CDK13: variants seen among roughly 807,000 people sequenced by gnomAD.
CDK13 encodes the protein cyclin dependent kinase 13.
Under a neutral mutation model 137.6 loss-of-function variants are expected in CDK13, and 40 were observed. That is an observed-to-expected ratio of 0.29 (90% CI 0.23 to 0.38). The LOEUF (loss-of-function observed/expected upper bound fraction) is 0.38. CDK13 is among the 10% of genes least tolerant of loss of function. The probability of loss-of-function intolerance (pLI) is 1.00; values close to 1 mark genes in which losing one functional copy is unlikely to be tolerated. For synonymous variants in CDK13, 869 were observed against 760.1 expected (o/e 1.14, Z -2.36); for missense variants, 1,704 against 1,951.8 (o/e 0.87, Z 2.39).
At chr7:40,007,516 T>C (rs541755656) in intron 5 of CDK13, among the ~76,000 whole-genome samples, 4 of 152,344 alleles carry the variant, frequency 2.6e-5, no homozygotes, top group African/African-American at 9.6e-5. Flanking sequence ...GACCTCTGCC[T>C]CCCGGGTTCA....
intron 1 of CDK13, among the ~76,000 whole-genome samples, chr7:39,968,945 C>T (rs1562703527): frequency 6.6e-6 from 1 of 152,262 alleles, no homozygotes; most frequent in East Asian, 1.9e-4. Context: ...TAGTTTGTAT[C>T]CTTCCTTCAG....
chr7:39,961,850 T>C (rs553085035), intron 1 of CDK13, among the ~76,000 whole-genome samples: 1 of 152,050 alleles, frequency 6.6e-6, no homozygotes, highest in Non-Finnish European at 1.5e-5. Flanking sequence ...TGTGTTCTCA[T>C]TGTTCAATTC....
chr7:40,035,903 C>G (rs776579902), intron 5 of CDK13, among the ~76,000 whole-genome samples: 1 of 151,840 alleles, frequency 6.6e-6, no homozygotes, highest in Non-Finnish European at 1.5e-5. Flanking sequence ...GGCTTCCACC[C>G]GTAATCCAGC....
intron 5 of CDK13, among the ~76,000 whole-genome samples, chr7:40,036,038 C>T (rs1785475040): frequency 1.3e-5 from 2 of 151,962 alleles, no homozygotes; most frequent in Admixed American, 6.6e-5. Context: ...GTGGCACACA[C>T]CTTTAGTCCC....
At chr7:40,013,823 C>T (rs1382425276) in intron 5 of CDK13, among the ~76,000 whole-genome samples, 2 of 152,024 alleles carry the variant, frequency 1.3e-5, no homozygotes, top group Non-Finnish European at 2.9e-5. Context: ...CCTATGAATT[C>T]TGTGTTTAAT....
intron 1 of CDK13, among the ~76,000 whole-genome samples, chr7:39,958,590 C>A (rs1221133399): frequency 1.3e-5 from 2 of 152,124 alleles, no homozygotes; most frequent in African/African-American, 4.8e-5. Flanking sequence ...AGCCTGTACT[C>A]CACAGTACAG....
At chr7:40,001,000 G>T (rs1784673559) in intron 4 of CDK13, among the ~76,000 whole-genome samples, 1 of 152,098 alleles carries the variant, frequency 6.6e-6, no homozygotes, top group Admixed American at 6.5e-5. Context: ...ATATTTTTGA[G>T]ACAAGTAACT....
intron 1 of CDK13, among the ~76,000 whole-genome samples, chr7:39,963,049 A>G (rs1314412164): frequency 6.6e-6 from 1 of 152,214 alleles, no homozygotes; most frequent in East Asian, 1.9e-4. Context: ...GTTTGAAGTC[A>G]GGTAGCGTGA....
chr7:40,081,286 G>GGTACAAA (rs1786657798), intron 11 of CDK13, among the ~76,000 whole-genome samples: 1 of 151,946 alleles, frequency 6.6e-6, no homozygotes, highest in Non-Finnish European at 1.5e-5. Flanking sequence ...CATTATTATT[G>GGTACAAA]GTAATGGTAA....
chr7:40,002,185 AATTG>A, intron 5 of CDK13, 154 bp downstream of exon 5: 1 of 518,162 alleles, frequency 1.9e-6, no homozygotes. Context: ...TTGAATAATG[AATTG>A]ATTTACTTTA....
In CDK13 at chr7:40,092,703, T is replaced by C. The variant is rs780871562; in HGVS notation, c.3236-82T>C. ...TCTCCCTCAAATATATATTTTCATA[T>C]GGTAATACAGAGCCATTTTGGTGTG... On this transcript the variant is annotated intron_variant, in intron 12 of 13. Transcript: ENST00000181839. 33 of 906,694 alleles carry C rather than the reference T, an allele frequency of 3.6e-5. No homozygotes were observed. In the Admixed American group the frequency reaches 7.1e-4, roughly 19 times the overall value. 56.2% of individuals were successfully genotyped at this position (906,694 alleles called of 1,614,324 possible).
rs1787094844 is a variant in CDK13 at position 39,950,260 on chromosome 7, C to G, written c.-382C>G. The G allele has an allele frequency of 9.6e-7, 1 of 1,037,122 alleles. No individual in the cohort carries two copies. The highest frequency in any genetic ancestry group is 1.7e-5 in the African/African-American group (1 of 59,412). 64.2% of individuals were successfully genotyped at this position (1,037,122 alleles called of 1,614,324 possible). On this transcript the variant is annotated 5_prime_UTR_variant, in exon 1 of 14. Transcript: ENST00000181839. ...TGAAGCGGCGACGAAGGTGGTACTT[C>G]CGCGTTGCGCTGCCCGAGCCGAGAG... is the stretch of plus-strand genomic sequence containing the variant.
intron 1 of CDK13, among the ~76,000 whole-genome samples, chr7:39,961,647 T>A (rs75696191): frequency 3.3e-5 from 5 of 150,310 alleles, no homozygotes; most frequent in African/African-American, 1.0e-4. Flanking sequence ...TTTTTTTTTT[T>A]AATTATACTT....
chr7:39,968,020 CA>C lies in CDK13; in HGVS notation c.1211+16171del, dbSNP rs1272846798. On this transcript the variant is annotated intron_variant, in intron 1 of 13. Coordinates refer to ENST00000181839, the MANE Select transcript of CDK13 (RefSeq NM_003718.5). ...TAGCTGGGATTCAAGCACTAATCAC[CA>C]AATCCAACTGTATTCCCTCTTTTGA... Among the ~76,000 whole-genome samples the C allele has an allele frequency of 5.3e-5, 8 of 152,300 alleles. No homozygotes were observed. In the East Asian group the frequency reaches 1.5e-3, roughly 29 times the overall value.
In CDK13 at chr7:39,950,797, G is replaced by A. The variant is rs1394772299; in HGVS notation, c.156G>A (p.Pro52=). The A allele has an allele frequency of 1.4e-6, 2 of 1,460,070 alleles. No homozygotes were observed. Among genetic ancestry groups the A allele is most frequent in the Admixed American group, 5.1e-5 (2 of 39,150 alleles). The allele number at this position is 1,460,070 out of a possible 1,614,324, so 90.4% of individuals were successfully genotyped here. The part of the protein sequence containing the change: ...PLLQPQLLQP[P]PPPPPLLFLA... Reference sequence around the variant, plus strand: ...TGCAGCCGCAGCTCCTGCAACCGCCGCCGCCCCCGCCGCCTCTGCTCTTCC... The same window carrying A: ...TGCAGCCGCAGCTCCTGCAACCGCCACCGCCCCCGCCGCCTCTGCTCTTCC... Residue 52 remains proline, a synonymous_variant, in exon 1 of 14, where the codon CCG becomes CCA. Transcript: ENST00000181839.
chr7:39,990,453 A>G (rs913120180), intron 2 of CDK13, among the ~76,000 whole-genome samples: 2 of 152,164 alleles, frequency 1.3e-5, no homozygotes, highest in African/African-American at 4.8e-5. Context: ...CTAACTACAT[A>G]TGAGGAAGAG....
intron 1 of CDK13, among the ~76,000 whole-genome samples, chr7:39,977,733 G>A (rs1357974792): frequency 1.3e-5 from 2 of 152,196 alleles, no homozygotes; most frequent in Non-Finnish European, 2.9e-5. Context: ...CAAGTGCAGA[G>A]TTAATTGGAA....
At chr7:40,030,524 C>G (rs1421819967) in intron 5 of CDK13, among the ~76,000 whole-genome samples, 1 of 147,250 alleles carries the variant, frequency 6.8e-6, no homozygotes, top group East Asian at 2.0e-4. Flanking sequence ...CCTCAGCCTC[C>G]TGAGCAGCTG....
At position 40,098,345 on chromosome 7, in the gene CDK13, T is replaced by G. The variant is rs968390021; in HGVS notation, c.*3365T>G. On this transcript the variant is annotated 3_prime_UTR_variant, in exon 14 of 14. Coordinates refer to ENST00000181839, the MANE Select transcript of CDK13 (RefSeq NM_003718.5). Reference sequence around the variant, plus strand: ...GCTTAATCCAATTTGGGATGATTTTTCATCCTAGGGCTTTTTGTTTTCCTT... The same window carrying G: ...GCTTAATCCAATTTGGGATGATTTTGCATCCTAGGGCTTTTTGTTTTCCTT... 2.6e-5 allele frequency: 4 copies of G among 152,110 alleles called. No homozygotes were observed. The highest frequency in any genetic ancestry group is 2.1e-4 in the South Asian group (1 of 4,826). 9.4% of individuals were successfully genotyped at this position (152,110 alleles called of 1,614,324 possible). A position where few individuals can be genotyped will look rare whatever the true frequency, so the allele number is the denominator to read the frequency against.
Sources: allele counts gnomAD v4.1 joint callset (sites outside exome capture counted in the v4.1 genomes callset), GRCh38; gene constraint gnomAD v4.1.1; transcripts MANE v1.5; gene names NCBI Gene and HGNC (gene_info 2026-07-23, HGNC 2026-07-21).